The following TMEM132C variants were observed in gnomAD, a reference collection of about 807,000 sequenced individuals.
TMEM132C encodes the protein transmembrane protein 132C, also known as protein phosphatase 1, regulatory subunit 152.
A neutral mutation model predicts 61.4 loss-of-function variants in TMEM132C; 29 were observed. The ratio of observed to expected loss-of-function variants is 0.47; its 90% confidence interval spans 0.35 to 0.64. TMEM132C has a LOEUF of 0.64. Ranked by LOEUF, TMEM132C falls within the 30% of genes least tolerant of loss-of-function variation. TMEM132C has a pLI of 0.00. For synonymous variants in TMEM132C, 656 were observed against 633.1 expected (o/e 1.04, Z -0.54); for missense variants, 1,408 against 1,476.9 (o/e 0.95, Z 0.76).
chr12:128,465,505 C>G (rs1870702081), intron 2 of TMEM132C, among the ~76,000 whole-genome samples: 1 of 152,200 alleles, frequency 6.6e-6, no homozygotes. Context: ...CCGGCCTCTT[C>G]ATTTCTTCAT....
At chr12:128,305,827 T>C (rs976345012) in intron 1 of TMEM132C, among the ~76,000 whole-genome samples, 1 of 152,200 alleles carries the variant, frequency 6.6e-6, no homozygotes, top group Non-Finnish European at 1.5e-5. Flanking sequence ...CTGGCAGACC[T>C]TTCCAGCATG....
intron 4 of TMEM132C, among the ~76,000 whole-genome samples, chr12:128,625,494 A>G (rs1026431185): frequency 1.3e-5 from 2 of 152,234 alleles, no homozygotes; most frequent in Admixed American, 1.3e-4. Context: ...ACAGTTCCAC[A>G]TGGCTGGGGA....
At chr12:128,679,589 C>T (rs1954617452) in intron 5 of TMEM132C, among the ~76,000 whole-genome samples, 1 of 152,176 alleles carries the variant, frequency 6.6e-6, no homozygotes, top group Non-Finnish European at 1.5e-5. Flanking sequence ...CCTTTGTGGA[C>T]CTGACACCCA....
At chr12:128,360,847 C>T (rs1027498593) in intron 1 of TMEM132C, among the ~76,000 whole-genome samples, 1 of 152,186 alleles carries the variant, frequency 6.6e-6, no homozygotes, top group Admixed American at 6.5e-5. Flanking sequence ...TCTAGCCTAG[C>T]TGGAGTGTAC....
chr12:128,637,629 C>T (rs1464847670), intron 4 of TMEM132C, among the ~76,000 whole-genome samples: 1 of 152,176 alleles, frequency 6.6e-6, no homozygotes, highest in Non-Finnish European at 1.5e-5. Context: ...GCCTGGAACT[C>T]GTGGGCTCCA....
intron 3 of TMEM132C, among the ~76,000 whole-genome samples, chr12:128,591,346 G>A (rs560848227): frequency 2.4e-4 from 37 of 152,136 alleles, no homozygotes; most frequent in African/African-American, 6.7e-4. Flanking sequence ...TGGGCGTTTC[G>A]TGTCAGTGGA....
chr12:128,584,130 T>A (rs1468024744), intron 3 of TMEM132C, among the ~76,000 whole-genome samples: 1 of 152,234 alleles, frequency 6.6e-6, no homozygotes, highest in Non-Finnish European at 1.5e-5. Flanking sequence ...ATCTTCTTGC[T>A]GGCATTGGAG....
chr12:128,329,212 G>A (rs893316926), intron 1 of TMEM132C, among the ~76,000 whole-genome samples: 4 of 152,110 alleles, frequency 2.6e-5, no homozygotes, highest in African/African-American at 4.8e-5. Context: ...ACCGCAATAC[G>A]GTTGAACCTT....
At chr12:128,420,568 G>A (rs1868952733) in intron 2 of TMEM132C, among the ~76,000 whole-genome samples, 1 of 152,210 alleles carries the variant, frequency 6.6e-6, no homozygotes, top group Non-Finnish European at 1.5e-5. Context: ...TTACCGGAAG[G>A]TTTTGAAGAA....
At chr12:128,287,191 G>A (rs1490847510) in intron 1 of TMEM132C, among the ~76,000 whole-genome samples, 1 of 152,192 alleles carries the variant, frequency 6.6e-6, no homozygotes, top group Non-Finnish European at 1.5e-5. Flanking sequence ...TGCCCACACA[G>A]TTATGACAAC....
At chr12:128,273,610 T>A (rs1243945001) in intron 1 of TMEM132C, among the ~76,000 whole-genome samples, 1 of 152,122 alleles carries the variant, frequency 6.6e-6, no homozygotes, top group Non-Finnish European at 1.5e-5. Flanking sequence ...CCATCTGCTC[T>A]TTATTCTTCT....
chr12:128,310,841 A>G (rs1039516275), intron 1 of TMEM132C, among the ~76,000 whole-genome samples: 2 of 152,196 alleles, frequency 1.3e-5, no homozygotes, highest in Non-Finnish European at 2.9e-5. Context: ...ATTGTAGTTT[A>G]CAGTACCGTG....
intron 1 of TMEM132C, among the ~76,000 whole-genome samples, chr12:128,334,484 C>T (rs1024050845): frequency 2.6e-5 from 4 of 152,206 alleles, no homozygotes; most frequent in Non-Finnish European, 5.9e-5. Flanking sequence ...AGACGTTTAA[C>T]ATTTACTTCT....
At chr12:128,677,439 G>A (rs574744098) in intron 5 of TMEM132C, among the ~76,000 whole-genome samples, 3 of 152,230 alleles carry the variant, frequency 2.0e-5, no homozygotes, top group South Asian at 4.1e-4. Flanking sequence ...GATGATGGGC[G>A]ACATGAATAG....
At chr12:128,272,801 T>G (rs1365517449) in intron 1 of TMEM132C, among the ~76,000 whole-genome samples, 1 of 152,194 alleles carries the variant, frequency 6.6e-6, no homozygotes, top group Non-Finnish European at 1.5e-5. Flanking sequence ...TTGCTGTCCT[T>G]ATATTGTCTT....
At chr12:128,624,372 C>T (rs913675249) in intron 4 of TMEM132C, among the ~76,000 whole-genome samples, 7 of 151,806 alleles carry the variant, frequency 4.6e-5, no homozygotes, top group South Asian at 4.2e-4. Context: ...AGCGAAACCC[C>T]GTCTCTACTA....
At chr12:128,462,271 C>G (rs1043520638) in intron 2 of TMEM132C, among the ~76,000 whole-genome samples, 1 of 152,166 alleles carries the variant, frequency 6.6e-6, no homozygotes, top group Middle Eastern at 3.4e-3. Context: ...ACACCCTACT[C>G]ATTTTTGTAT....
At chr12:128,644,919 C>T (rs1467952084) in intron 4 of TMEM132C, among the ~76,000 whole-genome samples, 1 of 152,082 alleles carries the variant, frequency 6.6e-6, no homozygotes, top group African/African-American at 2.4e-5. Flanking sequence ...GAGGGCGGTG[C>T]CATCTATTAT....
chr12:128,453,013 G>A (rs1211204722), intron 2 of TMEM132C, among the ~76,000 whole-genome samples: 1 of 152,180 alleles, frequency 6.6e-6, no homozygotes, highest in Non-Finnish European at 1.5e-5. Context: ...GAAAGATGGG[G>A]ATACACACCT....
Sources: gnomAD v4.1 joint callset for allele counts (sites outside exome capture counted in the v4.1 genomes callset) on GRCh38, gnomAD v4.1.1 for gene constraint, MANE v1.5 for transcripts, NCBI Gene and HGNC (gene_info 2026-07-23, HGNC 2026-07-21) for gene names.